Variants in INPP5B observed in about 807,000 individuals in gnomAD.
INPP5B encodes the protein type II inositol 1,4,5-trisphosphate 5-phosphatase.
In INPP5B, 90 loss-of-function variants were observed where a neutral mutation model predicts 118.5. The observed-to-expected ratio is 0.76, with a 90% confidence interval of 0.64 to 0.90. The LOEUF (loss-of-function observed/expected upper bound fraction) is 0.90. INPP5B is among the 40% of genes least tolerant of loss of function. The pLI, the probability that INPP5B is intolerant of heterozygous loss-of-function variation, is 0.00. For synonymous variants in INPP5B, 385 were observed against 418.9 expected (o/e 0.92, Z 0.99); for missense variants, 984 against 1,125.6 (o/e 0.87, Z 1.80).
Position 37,915,714 on chromosome 1 carries a change from G to A in INPP5B, c.532+16199C>T, listed in dbSNP as rs548433022. ...GGTGCACAGCAAAATGTTAACAGTA[G>A]TCATTTCTCAGTGATTAGATTTCTT... On this transcript the variant is annotated intron_variant, in intron 7 of 23. Coordinates refer to ENST00000373024, the MANE Select transcript of INPP5B (RefSeq NM_005540.3). Among the ~76,000 whole-genome samples the A allele has an allele frequency of 3.3e-5, 5 of 152,318 alleles. No individual in the cohort carries two copies. The East Asian group carries it at 9.6e-4, about 29-fold the overall frequency.
At position 37,919,748 on chromosome 1, in the gene INPP5B, G is replaced by A. The variant is rs1038820945; in HGVS notation, c.532+12165C>T. ...GAGGTCAGGAGTTCAAGACCAGCCTGGCCAAAATGGCGAAACCCCATCTCT... is the reference window on the plus strand; with the variant it reads ...GAGGTCAGGAGTTCAAGACCAGCCTAGCCAAAATGGCGAAACCCCATCTCT... On this transcript the variant is annotated intron_variant, in intron 7 of 23. Transcript: ENST00000373024. 1.3e-4 allele frequency among the ~76,000 whole-genome samples: 20 copies of A among 152,116 alleles called. 1 individual carries two copies. Among genetic ancestry groups the A allele is most frequent in the Admixed American group, 1.1e-3 (17 of 15,258 alleles).
At chr1:37,872,293 C>G (rs1012426145) in intron 19 of INPP5B, among the ~76,000 whole-genome samples, 7 of 149,446 alleles carry the variant, frequency 4.7e-5, no homozygotes, top group African/African-American at 1.7e-4. Context: ...TCGCTTGAAC[C>G]CGGGAGGCAG....
chr1:37,894,802 C>T (rs139606858), intron 7 of INPP5B, among the ~76,000 whole-genome samples: 1 of 152,272 alleles, frequency 6.6e-6, no homozygotes, highest in East Asian at 1.9e-4. Context: ...GTCAGGTCTC[C>T]CAGTGCTGGG....
chr1:37,870,392 T>C lies in INPP5B; in HGVS notation c.2188-1778A>G, dbSNP rs184951967. On this transcript the variant is annotated intron_variant, in intron 19 of 23. Coordinates refer to ENST00000373024, the MANE Select transcript of INPP5B (RefSeq NM_005540.3). ...TCCCAGAGTGCAAGGATTACAATTG[T>C]GAGTCACTGTGCCCAACCCATGGCT... Among the ~76,000 whole-genome samples, 14 of 152,356 alleles carry C rather than the reference T, an allele frequency of 9.2e-5. 1 individual carries two copies. Among genetic ancestry groups the C allele is most frequent in the Admixed American group, 8.5e-4 (13 of 15,298 alleles).
intron 19 of INPP5B, 114 bp from the exon 20 acceptor site, chr1:37,868,728 A>G: frequency 1.4e-6 from 1 of 697,880 alleles, no homozygotes; most frequent in Non-Finnish European, 2.6e-6. Flanking sequence ...GCCCCTAACC[A>G]CGCATTCCAC....
intron 7 of INPP5B, chr1:37,931,480 C>T: frequency 6.5e-7 from 1 of 1,533,624 alleles, no homozygotes; most frequent in South Asian, 1.2e-5. Context: ...ACCCGCCTAC[C>T]CTCGTCACGC....
In INPP5B at chr1:37,931,943, T is replaced by C. The variant is rs200195945; in HGVS notation, c.502A>G (p.Thr168Ala). ...CCAATTGTCGCGTACCCTGGCCAGG[T>C]AACTAGGGCCGAGTTACAACCGCGC... ...TPRGCNSALV[T>A]WPGYATIGGG... The change falls in exon 7 of 24, where the codon ACC (threonine) becomes GCC (alanine). Residue 168 changes from threonine to alanine, a missense_variant. Physicochemically the swap from Thr to Ala is moderately conservative, Grantham distance 58 (BLOSUM62 0). Transcript: ENST00000373024. The C allele has an allele frequency of 5.5e-5, 89 of 1,614,030 alleles. No individual in the cohort carries two copies. Among genetic ancestry groups the C allele is most frequent in the Non-Finnish European group, 7.3e-5 (86 of 1,180,030 alleles).
intron 7 of INPP5B, among the ~76,000 whole-genome samples, chr1:37,913,559 T>C (rs968008002): frequency 3.6e-4 from 55 of 152,256 alleles, no homozygotes; most frequent in African/African-American, 1.3e-3. Flanking sequence ...AATCATTCTA[T>C]ATGACAAATG....
At chr1:37,883,725 T>C (rs1222742197) in intron 13 of INPP5B, 2 of 985,404 alleles carry the variant, frequency 2.0e-6, no homozygotes, top group Non-Finnish European at 2.4e-6. Context: ...CACTCCCTGC[T>C]AGGCTCCCTG....
chr1:37,885,970 G>A, intron 12 of INPP5B, 145 bp from the exon 13 acceptor site: 1 of 653,580 alleles, frequency 1.5e-6, no homozygotes, highest in Non-Finnish European at 2.7e-6. Flanking sequence ...ATGAGGTCAG[G>A]AGTTCAAGAC....
chr1:37,868,150 C>G (rs2148451067), intron 20 of INPP5B, among the ~76,000 whole-genome samples: 1 of 151,984 alleles, frequency 6.6e-6, no homozygotes, highest in Middle Eastern at 3.4e-3. Context: ...CCCATCTCTA[C>G]AAAAATACAA....
At chr1:37,912,366 A>G (rs1011945924) in intron 7 of INPP5B, among the ~76,000 whole-genome samples, 1 of 152,116 alleles carries the variant, frequency 6.6e-6, no homozygotes, top group African/African-American at 2.4e-5. Context: ...ACAAGTGTTC[A>G]CCCCTACTTT....
At chr1:37,880,256 G>A in intron 14 of INPP5B, 62 bp from the exon 15 acceptor site, 1 of 1,220,120 alleles carries the variant, frequency 8.2e-7, no homozygotes. Flanking sequence ...TTGAATTAGT[G>A]GAGAAAAGCA....
intron 14 of INPP5B, among the ~76,000 whole-genome samples, chr1:37,880,871 G>A (rs1022586995): frequency 2.0e-5 from 3 of 152,188 alleles, no homozygotes; most frequent in Admixed American, 1.3e-4. Flanking sequence ...GACTGCAGCT[G>A]TGCAACACCA....
chr1:37,944,549 C>A (rs1250617527), intron 3 of INPP5B, among the ~76,000 whole-genome samples: 19 of 151,060 alleles, frequency 1.3e-4, no homozygotes, highest in Non-Finnish European at 1.5e-5. Flanking sequence ...TGCACCCAGC[C>A]TTATTGAGCA....
intron 7 of INPP5B, chr1:37,931,662 G>A (rs764452539): frequency 6.6e-7 from 1 of 1,520,154 alleles, no homozygotes. Context: ...GCTTCCCGCC[G>A]CCCGCCGAAC....
intron 7 of INPP5B, among the ~76,000 whole-genome samples, chr1:37,902,737 T>C (rs1185773761): frequency 6.6e-6 from 1 of 152,130 alleles, no homozygotes; most frequent in Non-Finnish European, 1.5e-5. Flanking sequence ...TTTGTATTTT[T>C]AGTAGAGATG....
chr1:37,908,650 G>A (rs776238615), intron 7 of INPP5B, among the ~76,000 whole-genome samples: 5 of 151,638 alleles, frequency 3.3e-5, no homozygotes, highest in East Asian at 1.9e-4. Context: ...CGCCAGTCAC[G>A]GACTCGGGAA....
At chr1:37,922,149 T>C (rs1298138346) in intron 7 of INPP5B, among the ~76,000 whole-genome samples, 1 of 151,148 alleles carries the variant, frequency 6.6e-6, no homozygotes, top group East Asian at 1.9e-4. Context: ...TTGCAGTGAG[T>C]TGAGATCATG....
Sources: gnomAD v4.1 joint callset for allele counts (sites outside exome capture counted in the v4.1 genomes callset) on GRCh38, gnomAD v4.1.1 for gene constraint, MANE v1.5 for transcripts, NCBI Gene and HGNC (gene_info 2026-07-23, HGNC 2026-07-21) for gene names.